Variants in NUP205 observed in about 807,000 individuals in gnomAD.
The protein encoded by NUP205 is nucleoporin 205, also known as nuclear pore complex protein Nup205.
A neutral mutation model predicts 253.8 loss-of-function variants in NUP205; 76 were observed. The observed-to-expected ratio is 0.30, with a 90% CI of 0.25 to 0.36. The LOEUF (loss-of-function observed/expected upper bound fraction) is 0.36. Among genes scored for constraint, NUP205 ranks in the 10% least tolerant of loss-of-function variants. NUP205 has a pLI of 1.00. For missense variants in NUP205, 2,162 were observed against 2,425.5 expected (o/e 0.89, Z 2.28); for synonymous variants, 832 against 850.1 (o/e 0.98, Z 0.37).
At chr7:135,628,132 A>G in intron 34 of NUP205, 21 bp downstream of exon 34, 2 of 1,604,078 alleles carry the variant, frequency 1.2e-6, no homozygotes, top group Non-Finnish European at 1.7e-6. Context: ...CCCTTTGTTT[A>G]GATATTGTCT....
At chr7:135,645,963 A>T (rs1024862998) in intron 41 of NUP205, 195 bp from the exon 42 acceptor site, 1 of 595,132 alleles carries the variant, frequency 1.7e-6, no homozygotes, top group Admixed American at 3.0e-5. Context: ...AAATAGAGAA[A>T]AGCTGAGAAC....
chr7:135,594,709 C>G lies in NUP205; in HGVS notation c.1993C>G (p.Gln665Glu). 6.2e-7 allele frequency: 1 copy of G among 1,612,970 alleles called. No homozygotes were observed. Among genetic ancestry groups the G allele is most frequent in the Non-Finnish European group, 8.5e-7 (1 of 1,179,390 alleles). Residue 665 changes from glutamine (Q) to glutamate (E), a missense_variant, in exon 13 of 43, where the codon CAG becomes GAG. Physicochemically the swap from Gln to Glu is conservative, Grantham distance 29. Around this residue, in one of 5 missense-constraint regions of NUP205, gnomAD observed 892 missense variants for 957.1 expected, o/e 0.93. Coordinates refer to ENST00000285968, the MANE Select transcript of NUP205 (RefSeq NM_015135.3). ...TCCTGAAATTGCTGCTTCCCTCTGG[C>G]AGTCATTGGAATACACTCAGGTAGG... is the stretch of plus-strand genomic sequence containing the variant. ...KSPEIAASLW[Q>E]SLEYTQILQT... is the part of the protein sequence containing the mutation.
chr7:135,566,336 T>C (rs550209333), intron 1 of NUP205, among the ~76,000 whole-genome samples: 3 of 152,240 alleles, frequency 2.0e-5, no homozygotes, highest in Admixed American at 6.5e-5. Context: ...CTTGAACTCC[T>C]AGCCTTGGCC....
At chr7:135,565,045 A>G (rs1358937213) in intron 1 of NUP205, among the ~76,000 whole-genome samples, 2 of 152,170 alleles carry the variant, frequency 1.3e-5, no homozygotes, top group African/African-American at 4.8e-5. Context: ...CTGGCATTAC[A>G]AGTGTGAGCC....
intron 12 of NUP205, among the ~76,000 whole-genome samples, chr7:135,593,880 A>G (rs1793756851): frequency 6.6e-6 from 1 of 152,220 alleles, no homozygotes; most frequent in Non-Finnish European, 1.5e-5. Context: ...CAGATAGAGA[A>G]GAAGAAAGTT....
rs377379679 is a variant in NUP205 at position 135,626,327 on chromosome 7, G to T, written c.4759G>T (p.Val1587Phe). ...GVIVRLAQCQ[V>F]YDMRPETDPQ... Reference sequence around the variant, plus strand: ...GATTGTGAGACTAGCTCAATGCCAAGTCTATGACATGCGCCCAGAAACGGA... The same window carrying T: ...GATTGTGAGACTAGCTCAATGCCAATTCTATGACATGCGCCCAGAAACGGA... The change falls in exon 33 of 43, where the codon GTC becomes TTC. Residue 1587 changes from valine to phenylalanine, a missense_variant. Physicochemically the swap from Val to Phe is conservative, Grantham distance 50 (BLOSUM62 -1). Coordinates refer to ENST00000285968, the MANE Select transcript of NUP205 (RefSeq NM_015135.3). 62 of 1,613,996 alleles carry T rather than the reference G, an allele frequency of 3.8e-5. No homozygotes were observed. Among genetic ancestry groups the T allele is most frequent in the Non-Finnish European group, 5.0e-5 (59 of 1,180,008 alleles).
At chr7:135,561,237 G>T (rs776961510) in intron 1 of NUP205, among the ~76,000 whole-genome samples, 72 of 152,042 alleles carry the variant, frequency 4.7e-4, no homozygotes, top group African/African-American at 1.7e-3. Flanking sequence ...CCAGCTACTC[G>T]GGAGGCTGAG....
chr7:135,561,785 C>T (rs926836185), intron 1 of NUP205, among the ~76,000 whole-genome samples: 1 of 152,118 alleles, frequency 6.6e-6, no homozygotes, highest in African/African-American at 2.4e-5. Flanking sequence ...CTCTCTTGCT[C>T]TTCCCTTTCT....
At chr7:135,603,597 C>T (rs762577666) in intron 18 of NUP205, among the ~76,000 whole-genome samples, 1 of 150,884 alleles carries the variant, frequency 6.6e-6, no homozygotes, top group Non-Finnish European at 1.5e-5. Context: ...GCAACCTTCG[C>T]CTCCCAGGCT....
intron 1 of NUP205, among the ~76,000 whole-genome samples, chr7:135,559,443 T>C (rs1805519159): frequency 6.6e-6 from 1 of 152,076 alleles, no homozygotes; most frequent in Non-Finnish European, 1.5e-5. Flanking sequence ...CGATCCTGGC[T>C]CGCTGCAACC....
At chr7:135,629,620 A>G (rs896088402) in intron 34 of NUP205, among the ~76,000 whole-genome samples, 1 of 150,134 alleles carries the variant, frequency 6.7e-6, no homozygotes, top group Admixed American at 6.7e-5. Context: ...TCCACCTCCC[A>G]GGTTCAAGTG....
At chr7:135,621,741 A>AT (rs1794473599) in intron 30 of NUP205, among the ~76,000 whole-genome samples, 1 of 152,032 alleles carries the variant, frequency 6.6e-6, no homozygotes, top group Admixed American at 6.6e-5. Flanking sequence ...AAAATATCTG[A>AT]TTTTTTTGGA....
intron 2 of NUP205, among the ~76,000 whole-genome samples, chr7:135,571,651 A>G (rs1806001512): frequency 6.6e-6 from 1 of 152,166 alleles, no homozygotes; most frequent in Admixed American, 6.6e-5. Context: ...AGTGTGAAAT[A>G]ATCACATCAT....
intron 38 of NUP205, among the ~76,000 whole-genome samples, chr7:135,639,355 T>C (rs899389917): frequency 1.3e-5 from 2 of 152,110 alleles, no homozygotes; most frequent in African/African-American, 4.8e-5. Context: ...ACAAAAAATA[T>C]GTGTTTAGTA....
At chr7:135,561,032 C>T (rs999558456) in intron 1 of NUP205, among the ~76,000 whole-genome samples, 2 of 152,090 alleles carry the variant, frequency 1.3e-5, no homozygotes, top group Non-Finnish European at 2.9e-5. Context: ...GGAAAAAATA[C>T]AGAGATTGTA....
At chr7:135,642,292 G>A (rs1005992498) in intron 38 of NUP205, among the ~76,000 whole-genome samples, 22 of 150,146 alleles carry the variant, frequency 1.5e-4, no homozygotes, top group South Asian at 1.0e-3. Context: ...ATGTTTCCAC[G>A]AAATCCCTTA....
In NUP205 at chr7:135,628,108, G is replaced by T; in HGVS notation, c.4929G>T (p.Gly1643=). 1 of 1,608,018 alleles carries T rather than the reference G, an allele frequency of 6.2e-7. No homozygotes were observed. The change falls in exon 34 of 43, where the codon GGG becomes GGT. Residue 1643 remains glycine, a synonymous_variant. Transcript: ENST00000285968. The part of the protein sequence containing the change: ...SSMAQHLQAA[G]QVLQFLISHS... ...TGGCCCAGCACTTGCAGGCAGCAGGGCAGGTAAGGTGAACCCTTTGTTTAG... is the reference window on the plus strand; with the variant it reads ...TGGCCCAGCACTTGCAGGCAGCAGGTCAGGTAAGGTGAACCCTTTGTTTAG...
At chr7:135,604,079 A>G (rs890481471) in intron 18 of NUP205, among the ~76,000 whole-genome samples, 1 of 152,178 alleles carries the variant, frequency 6.6e-6, no homozygotes, top group Non-Finnish European at 1.5e-5. Context: ...ACCTCGTCTG[A>G]ACTCGATTGA....
chr7:135,631,830 A>C (rs1794720581), intron 35 of NUP205, among the ~76,000 whole-genome samples: 1 of 151,148 alleles, frequency 6.6e-6, no homozygotes, highest in South Asian at 2.1e-4. Context: ...GCTCACTGCA[A>C]GCTCCGCCTC....
Sources: gnomAD v4.1 joint callset for allele counts (sites outside exome capture counted in the v4.1 genomes callset) on GRCh38, gnomAD v4.1.1 for gene constraint, gnomAD v4.1.1 regional missense constraint, MANE v1.5 for transcripts, NCBI Gene and HGNC (gene_info 2026-07-23, HGNC 2026-07-21) for gene names.